The following NOL7 variants were observed in gnomAD, a reference collection of about 807,000 sequenced individuals.
The protein encoded by NOL7 is nucleolar protein 7.
Under a neutral mutation model 38.4 loss-of-function variants are expected in NOL7, and 36 were observed. That is an observed-to-expected ratio of 0.94 (90% CI 0.72 to 1.24). The LOEUF (loss-of-function observed/expected upper bound fraction) is 1.24. NOL7 is among the 50% of genes most tolerant of loss of function. The probability of loss-of-function intolerance (pLI) is 0.00; values close to 1 mark genes in which losing one functional copy is unlikely to be tolerated. For missense variants in NOL7, 350 were observed against 315.1 expected (o/e 1.11, Z -0.84); for synonymous variants, 142 against 126.5 (o/e 1.12, Z -0.82).
chr6:13,619,957 C>G (rs1180935827), intron 5 of NOL7, among the ~76,000 whole-genome samples: 2 of 152,072 alleles, frequency 1.3e-5, no homozygotes, highest in Admixed American at 6.6e-5. Context: ...GAGTTCGAGA[C>G]CAGCCTGGCC....
rs780821261 is a variant in NOL7, at chr6:13,620,288, T to C, written c.581T>C (p.Ile194Thr). Reference sequence around the variant, plus strand: ...AGGCAACAAGCAGCACAAGCCTTCATACATAATTCATTATATGGGCCAGGA... The same window carrying C: ...AGGCAACAAGCAGCACAAGCCTTCACACATAATTCATTATATGGGCCAGGA... ...DSRQQAAQAF[I>T]HNSLYGPGTN... The change falls in exon 6 of 8, where the codon ATA (isoleucine) becomes ACA (threonine). Residue 194 changes from isoleucine to threonine, a missense_variant. Coordinates refer to ENST00000451315, the MANE Select transcript of NOL7 (RefSeq NM_016167.5). The C allele has an allele frequency of 6.2e-7, 1 of 1,614,238 alleles. No individual in the cohort carries two copies. Among genetic ancestry groups the C allele is most frequent in the East Asian group, 2.2e-5 (1 of 44,882 alleles).
At chr6:13,625,593 A>T, downstream of NOL7, 1 of 1,218,710 alleles carries the variant, frequency 8.2e-7, no homozygotes, top group East Asian at 2.3e-5. Context: ...CAGTACAAAC[A>T]CCCTCTCTTA....
chr6:13,624,013 T>C (rs1584904833), downstream of NOL7, among the ~76,000 whole-genome samples: 1 of 152,226 alleles, frequency 6.6e-6, no homozygotes, highest in African/African-American at 2.4e-5. Flanking sequence ...AAGACATTTA[T>C]AGTAAACCAT....
chr6:13,620,332 A>C lies in NOL7; in HGVS notation c.622+3A>C. On this transcript the variant is annotated splice_donor_region_variant and intron_variant, in intron 6 of 7. Coordinates refer to ENST00000451315, the MANE Select transcript of NOL7 (RefSeq NM_016167.5). ...GCCAGGAACCAACAGGACTACTGGTAATTTTTTTATGGACTATTTTTCTCA... is the reference window on the plus strand; with the variant it reads ...GCCAGGAACCAACAGGACTACTGGTCATTTTTTTATGGACTATTTTTCTCA... The C allele has an allele frequency of 6.2e-7, 1 of 1,613,964 alleles. No individual in the cohort carries two copies. Among genetic ancestry groups the C allele is most frequent in the African/African-American group, 1.3e-5 (1 of 74,994 alleles).
rs1426392381 is a variant in NOL7, at chr6:13,618,026, T to C, written c.419-32T>C. ...ATTTCCTGATTTATTTTTACGTGAA[T>C]GCTAATTAGAAAATGTAACTCTATT... is the stretch of plus-strand genomic sequence containing the variant. On this transcript the variant is annotated intron_variant, in intron 4 of 7. Transcript: ENST00000451315. The C allele has an allele frequency of 5.6e-6, 7 of 1,240,312 alleles. No individual in the cohort carries two copies. In the South Asian group the frequency reaches 8.6e-5, roughly 15 times the overall value. The allele number at this position is 1,240,312 out of a possible 1,614,324, so 76.8% of individuals were successfully genotyped here. A position where few individuals can be genotyped will look rare whatever the true frequency, so the allele number is the denominator to read the frequency against.
At position 13,621,589 on chromosome 6, in the gene NOL7, G is replaced by A. The variant is rs1248165161; in HGVS notation, c.*762G>A. On this transcript the variant is annotated 3_prime_UTR_variant, in exon 8 of 8. Transcript: ENST00000451315. Reference sequence around the variant, plus strand: ...ATTTAAGCACTTAAAAATGGAAGGTGTACAAAGATTAAATTAAGACACGGT... The same window carrying A: ...ATTTAAGCACTTAAAAATGGAAGGTATACAAAGATTAAATTAAGACACGGT... 6.6e-6 allele frequency: 1 copy of A among 152,554 alleles called. No individual in the cohort carries two copies. The highest frequency in any genetic ancestry group is 1.5e-5 in the Non-Finnish European group (1 of 68,030). The allele number at this position is 152,554 out of a possible 1,614,324, so 9.5% of individuals were successfully genotyped here.
At chr6:13,628,220 A>C (rs191497136) in intron 8 of NOL7, among the ~76,000 whole-genome samples, 4 of 152,362 alleles carry the variant, frequency 2.6e-5, no homozygotes, top group African/African-American at 9.6e-5. Flanking sequence ...TTAAGAAGAA[A>C]AAACATCTAA....
intron 5 of NOL7, 45 bp downstream of exon 5, chr6:13,618,184 AGAGAG>A: frequency 2.6e-6 from 2 of 762,880 alleles, no homozygotes; most frequent in Non-Finnish European, 4.2e-6. Context: ...GAGACCTTTA[AGAGAG>A]TTAAAGTATT....
At chr6:13,632,448 A>T (rs781120425) in exon 9 of NOL7, 2 of 1,613,990 alleles carry the variant, frequency 1.2e-6, no homozygotes, top group Non-Finnish European at 1.7e-6. Context: ...GCTCTCGTCC[A>T]AAGTGGATCA....
At chr6:13,617,218 T>C (rs932983360) in intron 3 of NOL7, among the ~76,000 whole-genome samples, 2 of 151,974 alleles carry the variant, frequency 1.3e-5, no homozygotes, top group African/African-American at 2.4e-5. Context: ...AAAACCAAGC[T>C]CAAGTGTCAC....
intron 5 of NOL7, among the ~76,000 whole-genome samples, chr6:13,618,547 G>A (rs955389946): frequency 3.4e-4 from 52 of 152,208 alleles, no homozygotes; most frequent in African/African-American, 1.1e-3. Context: ...GCGCCCGGCC[G>A]GGAAAATATT....
rs770128633 is a variant in NOL7, at chr6:13,615,713, G to C, written c.268G>C (p.Asp90His). Residue 90 changes from aspartate to histidine, a missense_variant and splice_region_variant, in exon 2 of 8, where the codon GAT becomes CAT. Coordinates refer to ENST00000451315, the MANE Select transcript of NOL7 (RefSeq NM_016167.5). ...ERRVRETVRR[D>H]KTLLKEKRKR... ...CTGACTTATCACCCTTCCTCCCAGG[G>C]ATAAAACGCTCCTGAAGGAGAAGAG... is the stretch of plus-strand genomic sequence containing the variant. The C allele has an allele frequency of 1.9e-6, 3 of 1,614,246 alleles. No individual in the cohort carries two copies. Among genetic ancestry groups the C allele is most frequent in the Non-Finnish European group, 2.5e-6 (3 of 1,180,036 alleles).
Position 13,616,458 on chromosome 6 carries a change from A to G in NOL7, c.328-5A>G. 6.2e-7 allele frequency: 1 copy of G among 1,601,210 alleles called. No homozygotes were observed. Among genetic ancestry groups the G allele is most frequent in the Non-Finnish European group, 8.5e-7 (1 of 1,172,152 alleles). ...TATTAATTTTAAACGTTTTCATTCC[A>G]AAAGAAAAGAAAACTCCTTCCAGAC... On this transcript the variant is annotated splice_polypyrimidine_tract_variant and splice_region_variant and intron_variant, in intron 2 of 7. Coordinates refer to ENST00000451315, the MANE Select transcript of NOL7 (RefSeq NM_016167.5).
chr6:13,628,970 A>C (rs11962124), intron 8 of NOL7, among the ~76,000 whole-genome samples: 81,468 of 141,638 alleles, frequency 0.58, 22,221 homozygotes, highest in Admixed American at 0.68. Context: ...ACTTCTAGAA[A>C]TTTATCTCAG....
At chr6:13,620,681 C>A in intron 7 of NOL7, 73 bp from the exon 8 acceptor site, 4 of 1,044,866 alleles carry the variant, frequency 3.8e-6, no homozygotes, top group South Asian at 1.5e-5. Flanking sequence ...TAATTACATT[C>A]ATATAGAGTA....
rs1225162240 is a variant in NOL7 at position 13,620,919 on chromosome 6, C to T, written c.*92C>T. 1 of 817,366 alleles carries T rather than the reference C, an allele frequency of 1.2e-6. No homozygotes were observed. The highest frequency in any genetic ancestry group is 1.9e-6 in the Non-Finnish European group (1 of 530,884). The allele number at this position is 817,366 out of a possible 1,614,324, so 50.6% of individuals were successfully genotyped here. On this transcript the variant is annotated 3_prime_UTR_variant, in exon 8 of 8. Transcript: ENST00000451315. ...CATTTTAAAGGATCATTATAAAAAT[C>T]ATAAACCTATTTGAGGAAGTGCTCA...
chr6:13,625,747 T>C (rs1393203333), downstream of NOL7: 1 of 1,608,232 alleles, frequency 6.2e-7, no homozygotes, highest in South Asian at 1.1e-5. Flanking sequence ...CTGAATATGC[T>C]AGTAGACTGA....
chr6:13,624,937 T>C (rs1427347465), downstream of NOL7, among the ~76,000 whole-genome samples: 1 of 152,164 alleles, frequency 6.6e-6, no homozygotes, highest in African/African-American at 2.4e-5. Flanking sequence ...GGAGCTGTGA[T>C]ACCAGTGGCT....
downstream of NOL7, among the ~76,000 whole-genome samples, chr6:13,624,734 G>C (rs7742903): frequency 0.78 from 119,410 of 152,182 alleles, 47,129 homozygotes; most frequent in South Asian, 0.85. Context: ...TTTCGCACTT[G>C]ATGCTCACCC....
Sources: gnomAD v4.1 joint callset for allele counts (sites outside exome capture counted in the v4.1 genomes callset) on GRCh38, gnomAD v4.1.1 for gene constraint, MANE v1.5 for transcripts, NCBI Gene and HGNC (gene_info 2026-07-23, HGNC 2026-07-21) for gene names.